PDZRN4: variants seen among roughly 807,000 people sequenced by gnomAD.
PDZRN4 encodes PDZ domain-containing RING finger protein 4.
In PDZRN4, 70 loss-of-function variants were observed where a neutral mutation model predicts 99.0. The ratio of observed to expected loss-of-function variants is 0.71; its 90% CI spans 0.58 to 0.86. The LOEUF is 0.86. PDZRN4 is among the 40% of genes least tolerant of loss of function. The pLI, the probability that PDZRN4 is intolerant of heterozygous loss-of-function variation, is 0.00. For missense variants in PDZRN4, 1,474 were observed against 1,331.2 expected, an observed-to-expected ratio of 1.11 and a Z score of -1.67; for synonymous variants, 551 against 501.6, an observed-to-expected ratio of 1.10 and a Z score of -1.32.
chr12:41,345,601 G>A (rs1462544776), intron 3 of PDZRN4, among the ~76,000 whole-genome samples: 2 of 152,146 alleles, frequency 1.3e-5, no homozygotes, highest in African/African-American at 4.8e-5. Flanking sequence ...CACTTTTGGT[G>A]AGGAATCATT....
At position 41,345,090 on chromosome 12, in the gene PDZRN4, CTTTAATCTG is replaced by C. The variant is rs1469649976; in HGVS notation, c.843+150906_843+150914del. 2.0e-5 allele frequency among the ~76,000 whole-genome samples: 3 copies of C among 152,218 alleles called. No homozygotes were observed. In the South Asian group the frequency reaches 6.2e-4, roughly 32 times the overall value. ...TGAAAGGCCGTTACATTTTTACCAACTTTAATCTGTTTCATTTTTGTGTTTAAAGGATGG... is the reference window on the plus strand; with the variant it reads ...TGAAAGGCCGTTACATTTTTACCAACTTTCATTTTTGTGTTTAAAGGATGG... On this transcript the variant is annotated intron_variant, in intron 3 of 9. Coordinates refer to ENST00000402685, the MANE Select transcript of PDZRN4 (RefSeq NM_001164595.2).
intron 3 of PDZRN4, among the ~76,000 whole-genome samples, chr12:41,477,091 A>T (rs1440163274): frequency 2.0e-5 from 3 of 152,048 alleles, no homozygotes; most frequent in African/African-American, 7.2e-5. Flanking sequence ...AATTACACCT[A>T]ACTCTCACCC....
intron 3 of PDZRN4, among the ~76,000 whole-genome samples, chr12:41,401,043 G>A (rs1002926635): frequency 1.2e-4 from 19 of 152,054 alleles, no homozygotes; most frequent in African/African-American, 3.6e-4. Flanking sequence ...TTACTTAAAT[G>A]TTTACCTTTC....
chr12:41,312,091 T>G (rs1409911122), intron 3 of PDZRN4, among the ~76,000 whole-genome samples: 1 of 152,184 alleles, frequency 6.6e-6, no homozygotes, highest in Non-Finnish European at 1.5e-5. Flanking sequence ...TTTTCTACCA[T>G]GCCCAAATAC....
intron 5 of PDZRN4, among the ~76,000 whole-genome samples, chr12:41,539,175 A>G (rs1470422814): frequency 1.3e-5 from 2 of 151,954 alleles, no homozygotes; most frequent in Admixed American, 1.3e-4. Flanking sequence ...CAGAATGGAC[A>G]TATCTCCTCA....
rs113876886 is a variant in PDZRN4, at chr12:41,424,986, A to G, written c.844-81470A>G. 6.1e-3 allele frequency among the ~76,000 whole-genome samples: 927 copies of G among 152,272 alleles called. 13 individuals are homozygous for G. Among genetic ancestry groups the G allele is most frequent in the African/African-American group, 0.02 (832 of 41,566 alleles). ...TGTCTTCTGGGGCTGGGAAAAGAAA[A>G]TAGGTCAGTTGATATACCACAAAGA... On this transcript the variant is annotated intron_variant, in intron 3 of 9. Coordinates refer to ENST00000402685, the MANE Select transcript of PDZRN4 (RefSeq NM_001164595.2).
intron 3 of PDZRN4, among the ~76,000 whole-genome samples, chr12:41,357,024 T>C (rs1424519358): frequency 6.6e-6 from 1 of 151,982 alleles, no homozygotes; most frequent in African/African-American, 2.4e-5. Flanking sequence ...TTATTTGGAA[T>C]GCTTGTTTAA....
chr12:41,255,274 G>A (rs1420232327), intron 3 of PDZRN4, among the ~76,000 whole-genome samples: 1 of 152,028 alleles, frequency 6.6e-6, no homozygotes, highest in Non-Finnish European at 1.5e-5. Flanking sequence ...GGTCCTTTAG[G>A]TAAGACAGGT....
At chr12:41,488,266 G>A (rs567293380) in intron 3 of PDZRN4, among the ~76,000 whole-genome samples, 14 of 152,240 alleles carry the variant, frequency 9.2e-5, no homozygotes, top group African/African-American at 3.1e-4. Flanking sequence ...ATGGAATCTC[G>A]AACAGTTTTC....
At chr12:41,453,484 G>A (rs988312195) in intron 3 of PDZRN4, among the ~76,000 whole-genome samples, 6 of 152,150 alleles carry the variant, frequency 3.9e-5, no homozygotes, top group African/African-American at 1.4e-4. Context: ...TCTGACCTGC[G>A]GACATGTGAT....
In PDZRN4 at chr12:41,424,542, G is replaced by T. The variant is rs1345494092; in HGVS notation, c.844-81914G>T. Among the ~76,000 whole-genome samples the T allele has an allele frequency of 3.9e-5, 6 of 152,038 alleles. 1 individual carries two copies. On this transcript the variant is annotated intron_variant, in intron 3 of 9. Coordinates refer to ENST00000402685, the MANE Select transcript of PDZRN4 (RefSeq NM_001164595.2). The stretch of plus-strand genomic sequence containing the variant: ...AGAAGCTATTATGACCTGTTACTTG[G>T]TTCAATGGATTGAATTTTTTCATGC...
chr12:41,555,843 A>G, intron 7 of PDZRN4, 83 bp downstream of exon 7: 1 of 1,165,968 alleles, frequency 8.6e-7, no homozygotes. Context: ...AACTGTTGAG[A>G]AAAGAATTTG....
intron 5 of PDZRN4, among the ~76,000 whole-genome samples, chr12:41,531,198 A>G (rs1177865498): frequency 1.3e-5 from 2 of 152,058 alleles, no homozygotes; most frequent in Non-Finnish European, 2.9e-5. Flanking sequence ...GAATGAGTGC[A>G]AGGTTTTATT....
chr12:41,388,150 A>G (rs1327002662), intron 3 of PDZRN4, among the ~76,000 whole-genome samples: 2 of 152,156 alleles, frequency 1.3e-5, no homozygotes, highest in Non-Finnish European at 2.9e-5. Flanking sequence ...GGACATTACC[A>G]TTAGCAAACT....
chr12:41,573,573 A>G lies in PDZRN4; in HGVS notation c.2794A>G (p.Met932Val). ...RSGMTTDDDT[M>V]SEMKMGRYWS... ...TGGCATGACCACAGACGATGACACC[A>G]TGAGCGAGATGAAAATGGGGCGCTA... Residue 932 changes from methionine (M) to valine (V), a missense_variant, in exon 10 of 10, where the codon ATG becomes GTG. Transcript: ENST00000402685. The G allele has an allele frequency of 1.2e-6, 2 of 1,613,386 alleles. No homozygotes were observed. The highest frequency in any genetic ancestry group is 8.5e-7 in the Non-Finnish European group (1 of 1,179,774).
At chr12:41,566,865 G>A (rs1399177866) in intron 8 of PDZRN4, among the ~76,000 whole-genome samples, 1 of 152,146 alleles carries the variant, frequency 6.6e-6, no homozygotes, top group Non-Finnish European at 1.5e-5. Context: ...AATTTAATCA[G>A]CATAGACAGC....
chr12:41,438,049 A>C (rs1252812200), intron 3 of PDZRN4: 2 of 1,608,880 alleles, frequency 1.2e-6, no homozygotes, highest in Non-Finnish European at 1.7e-6. Context: ...ACTAAGAGCC[A>C]GGCTTTGTGT....
chr12:41,286,735 C>A (rs372512074), intron 3 of PDZRN4, among the ~76,000 whole-genome samples: 2 of 152,006 alleles, frequency 1.3e-5, no homozygotes, highest in Admixed American at 1.3e-4. Flanking sequence ...TGCAGAAGAC[C>A]CATAGGGCAG....
intron 3 of PDZRN4, among the ~76,000 whole-genome samples, chr12:41,246,305 G>T (rs1219178309): frequency 2.6e-5 from 4 of 151,998 alleles, no homozygotes; most frequent in South Asian, 4.1e-4. Context: ...AATTGACAGG[G>T]TATTTCAACT....
Sources: allele counts gnomAD v4.1 joint callset (sites outside exome capture counted in the v4.1 genomes callset), GRCh38; gene constraint gnomAD v4.1.1; transcripts MANE v1.5; gene names NCBI Gene and HGNC (gene_info 2026-07-23, HGNC 2026-07-21).